The following PRKN variants were observed in gnomAD, a reference collection of about 807,000 sequenced individuals.
PRKN encodes E3 ubiquitin-protein ligase parkin.
Under a neutral mutation model 59.5 loss-of-function variants are expected in PRKN, and 56 were observed. The observed-to-expected ratio is 0.94, with a 90% confidence interval of 0.76 to 1.18. PRKN has a LOEUF of 1.18. PRKN is among the 50% of genes most tolerant of loss of function. The pLI is 0.00. For synonymous variants in PRKN, 250 were observed against 222.1 expected (o/e 1.13, Z -1.12); for missense variants, 657 against 596.4 (o/e 1.10, Z -1.06).
chr6:161,512,290 T>C (rs1778420239), intron 9 of PRKN, among the ~76,000 whole-genome samples: 1 of 77,166 alleles, frequency 1.3e-5, no homozygotes, highest in African/African-American at 4.5e-5. Flanking sequence ...TCTAAGGAAA[T>C]GACCCCCCCC....
At chr6:162,587,046 C>T (rs34714603) in intron 1 of PRKN, among the ~76,000 whole-genome samples, 18,723 of 152,140 alleles carry the variant, frequency 0.12, 1,268 homozygotes, top group Middle Eastern at 0.21. Flanking sequence ...GACTTATTCA[C>T]CTCGCTATTT....
chr6:161,367,204 A>G (rs1286091835), intron 10 of PRKN, among the ~76,000 whole-genome samples: 1 of 151,176 alleles, frequency 6.6e-6, no homozygotes, highest in Non-Finnish European at 1.5e-5. Flanking sequence ...GATGGTCTCG[A>G]TCTCCTGACC....
rs140222071 is a variant in PRKN at position 161,424,273 on chromosome 6, G to A, written c.1084-37396C>T. 8.6e-3 allele frequency among the ~76,000 whole-genome samples: 1,285 copies of A among 150,290 alleles called. 25 individuals carry two copies. Among genetic ancestry groups the A allele is most frequent in the East Asian group, 0.046 (236 of 5,102 alleles). ...AATCACTTGAACCCAGGAGACAGTGGTTGCAGTGAGCCGAGATCATACCAC... is the reference window on the plus strand; with the variant it reads ...AATCACTTGAACCCAGGAGACAGTGATTGCAGTGAGCCGAGATCATACCAC... On this transcript the variant is annotated intron_variant, in intron 9 of 11. Coordinates refer to ENST00000366898, the MANE Select transcript of PRKN (RefSeq NM_004562.3).
rs1252072912 is a variant in PRKN, at chr6:161,362,735, C to A, written c.1168-2530G>T. On this transcript the variant is annotated intron_variant, in intron 10 of 11. Transcript: ENST00000366898. The surrounding 1 kb of genome is among the most constrained non-coding windows in gnomAD (Gnocchi z 5.2). ...GATTGGCATATACCCTGGAACCAGG[C>A]GGAAGCAAAAATATCTTTTGTGGAG... is the stretch of plus-strand genomic sequence containing the variant. Among the ~76,000 whole-genome samples the A allele has an allele frequency of 1.3e-5, 2 of 152,160 alleles. No individual in the cohort carries two copies. The highest frequency in any genetic ancestry group is 4.8e-5 in the African/African-American group (2 of 41,430).
At chr6:161,580,173 A>G (rs1583254518) in intron 7 of PRKN, among the ~76,000 whole-genome samples, 1 of 152,254 alleles carries the variant, frequency 6.6e-6, no homozygotes. Context: ...TTGATTGCCC[A>G]GATCTTTGCA....
chr6:162,284,114 T>A (rs1444863502), intron 2 of PRKN, among the ~76,000 whole-genome samples: 1 of 151,996 alleles, frequency 6.6e-6, no homozygotes, highest in Admixed American at 6.6e-5. Flanking sequence ...AGCTACTTCT[T>A]GGCTCTTGGG....
At chr6:162,179,551 G>T (rs1326422328) in intron 4 of PRKN, among the ~76,000 whole-genome samples, 1 of 152,166 alleles carries the variant, frequency 6.6e-6, no homozygotes, top group Non-Finnish European at 1.5e-5. Context: ...AAAAATGTGG[G>T]TAACTGAGTT....
chr6:161,456,632 C>A lies in PRKN; in HGVS notation c.1084-69755G>T, dbSNP rs1055509941. 1.3e-5 allele frequency among the ~76,000 whole-genome samples: 2 copies of A among 152,216 alleles called. No individual in the cohort carries two copies. Among genetic ancestry groups the A allele is most frequent in the Non-Finnish European group, 2.9e-5 (2 of 68,038 alleles). On this transcript the variant is annotated intron_variant, in intron 9 of 11. Coordinates refer to ENST00000366898, the MANE Select transcript of PRKN (RefSeq NM_004562.3). The surrounding 1 kb of genome is among the most constrained non-coding windows in gnomAD (Gnocchi z 4.8). ...AACCCTGACTAATAATCTCCCACAT[C>A]ACCAGCTTGAATCCTGCCCAAGAAT...
chr6:162,289,242 C>T (rs1476691311), intron 2 of PRKN, among the ~76,000 whole-genome samples: 4 of 152,088 alleles, frequency 2.6e-5, no homozygotes, highest in African/African-American at 7.2e-5. Flanking sequence ...GCCTGCACAT[C>T]GTCCTGCCTC....
intron 6 of PRKN, among the ~76,000 whole-genome samples, chr6:161,842,023 C>A (rs757540840): frequency 1.3e-4 from 20 of 152,084 alleles, no homozygotes; most frequent in Non-Finnish European, 2.5e-4. Flanking sequence ...TAACAAGTGC[C>A]AGGAATAATT....
intron 3 of PRKN, among the ~76,000 whole-genome samples, chr6:162,235,048 A>C (rs1021137263): frequency 6.6e-6 from 1 of 152,332 alleles, no homozygotes; most frequent in Middle Eastern, 3.4e-3. Flanking sequence ...TTATGAAAAA[A>C]ATGGTATAAA....
At chr6:161,654,816 T>C (rs530054002) in intron 7 of PRKN, among the ~76,000 whole-genome samples, 1 of 152,278 alleles carries the variant, frequency 6.6e-6, no homozygotes, top group South Asian at 2.1e-4. Flanking sequence ...CACAGGGGCA[T>C]AACCAGCTTA....
intron 4 of PRKN, among the ~76,000 whole-genome samples, chr6:162,151,812 T>G (rs897157371): frequency 6.6e-6 from 1 of 152,188 alleles, no homozygotes; most frequent in African/African-American, 2.4e-5. Context: ...TCAATTTTTT[T>G]ATTCACATAG....
At chr6:161,973,931 T>C (rs1004083105) in intron 5 of PRKN, among the ~76,000 whole-genome samples, 1 of 152,118 alleles carries the variant, frequency 6.6e-6, no homozygotes, top group African/African-American at 2.4e-5. Context: ...AGCCCTACTG[T>C]AAATAGCCAC....
intron 7 of PRKN, among the ~76,000 whole-genome samples, chr6:161,728,338 C>A (rs993640921): frequency 6.6e-6 from 1 of 151,890 alleles, no homozygotes; most frequent in Non-Finnish European, 1.5e-5. Context: ...CTTTAGCTAG[C>A]AAATCTTGCC....
chr6:161,368,328 T>TTTGTATATATATTTATATATAC (rs1785299811), intron 10 of PRKN, among the ~76,000 whole-genome samples: 1 of 143,512 alleles, frequency 7.0e-6, no homozygotes, highest in Non-Finnish European at 1.5e-5. Flanking sequence ...TTTATATATA[T>TTTGTATATATATTTATATATAC]TTGTATATAT....
chr6:162,527,825 T>C (rs1778349922), intron 1 of PRKN, among the ~76,000 whole-genome samples: 1 of 151,944 alleles, frequency 6.6e-6, no homozygotes, highest in South Asian at 2.1e-4. Context: ...TAATCTCATA[T>C]CCACCCTGGG....
intron 7 of PRKN, among the ~76,000 whole-genome samples, chr6:161,777,913 T>C (rs1790028958): frequency 6.7e-6 from 1 of 148,326 alleles, no homozygotes; most frequent in African/African-American, 2.5e-5. Context: ...TATATGTGTA[T>C]ATATATGTAT....
Position 161,511,926 on chromosome 6 carries a change from G to A in PRKN, c.1083+36928C>T, listed in dbSNP as rs1003068317. ...CCCGCAGTTCCATTCATTACGATCC[G>A]CGGGAAGGCTAGACTTGCTGTGAGG... On this transcript the variant is annotated intron_variant, in intron 9 of 11. Transcript: ENST00000366898. Among the ~76,000 whole-genome samples, 9 of 152,274 alleles carry A rather than the reference G, an allele frequency of 5.9e-5. 1 individual carries two copies. Among genetic ancestry groups the A allele is most frequent in the African/African-American group, 2.2e-4 (9 of 41,566 alleles).
Sources: gnomAD v4.1 joint callset for allele counts (sites outside exome capture counted in the v4.1 genomes callset) on GRCh38, gnomAD v4.1.1 for gene constraint, Gnocchi (gnomAD v3.1) non-coding constraint, MANE v1.5 for transcripts, NCBI Gene and HGNC (gene_info 2026-07-23, HGNC 2026-07-21) for gene names.